Variants in FER observed in about 807,000 individuals in gnomAD.
FER encodes tyrosine-protein kinase Fer.
A neutral mutation model predicts 111.0 loss-of-function variants in FER; 63 were observed. The observed-to-expected ratio is 0.57, with a 90% CI of 0.46 to 0.70. The LOEUF is 0.70. Ranked by LOEUF, FER falls within the 30% of genes least tolerant of loss-of-function variation. The probability of loss-of-function intolerance (pLI) is 0.00; values close to 1 mark genes in which losing one functional copy is unlikely to be tolerated. For synonymous variants in FER, 327 were observed against 313.9 expected (o/e 1.04, Z -0.44); for missense variants, 914 against 954.0 (o/e 0.96, Z 0.55).
chr5:109,148,335 G>T (rs943465171), intron 17 of FER, among the ~76,000 whole-genome samples: 1 of 152,038 alleles, frequency 6.6e-6, no homozygotes, highest in African/African-American at 2.4e-5. Flanking sequence ...TGGTTTTCAG[G>T]TTCTCATAGA....
At chr5:108,802,424 A>G (rs1035619861) in intron 3 of FER, among the ~76,000 whole-genome samples, 2 of 152,158 alleles carry the variant, frequency 1.3e-5, no homozygotes, top group Non-Finnish European at 2.9e-5. Context: ...ATATTGTGTG[A>G]TGCTGAGGTT....
chr5:109,029,803 A>C (rs1197590952), intron 13 of FER, among the ~76,000 whole-genome samples: 1 of 151,912 alleles, frequency 6.6e-6, no homozygotes, highest in Non-Finnish European at 1.5e-5. Context: ...TCTTGGCTTG[A>C]ATTTATTTGT....
At chr5:108,839,600 C>T (rs1319716052) in intron 5 of FER, among the ~76,000 whole-genome samples, 1 of 112,074 alleles carries the variant, frequency 8.9e-6, no homozygotes, top group African/African-American at 3.6e-5. Context: ...TTTTTTGAGA[C>T]GGAGCCTCGC....
At chr5:108,936,398 C>T (rs938520231) in intron 10 of FER, among the ~76,000 whole-genome samples, 1 of 151,948 alleles carries the variant, frequency 6.6e-6, no homozygotes, top group South Asian at 2.1e-4. Context: ...CAGATGTCTT[C>T]ATGGTTATAA....
At chr5:108,946,312 G>T in intron 11 of FER, 90 bp downstream of exon 11, 2 of 826,954 alleles carry the variant, frequency 2.4e-6, no homozygotes, top group Non-Finnish European at 2.0e-6. Context: ...ATGTGTGTGT[G>T]TGTGTATATA....
At chr5:109,109,608 A>G (rs1749354919) in intron 17 of FER, among the ~76,000 whole-genome samples, 1 of 152,148 alleles carries the variant, frequency 6.6e-6, no homozygotes, top group South Asian at 2.1e-4. Context: ...TTAAGTAGCA[A>G]AGGAGTATCT....
intron 5 of FER, among the ~76,000 whole-genome samples, chr5:108,838,775 A>T (rs530201403): frequency 3.8e-4 from 58 of 152,276 alleles, no homozygotes; most frequent in African/African-American, 1.4e-3. Flanking sequence ...AATACACCTT[A>T]AACATTCTAA....
intron 17 of FER, among the ~76,000 whole-genome samples, chr5:109,137,986 A>G (rs1410462883): frequency 6.6e-6 from 1 of 152,148 alleles, no homozygotes; most frequent in Admixed American, 6.5e-5. Context: ...CTAGTCTTTA[A>G]CTAATGCACT....
chr5:108,965,578 G>C lies in FER; in HGVS notation c.1656+6231G>C, dbSNP rs373406000. ...ATTATTAATATTATCCCCATTATTA[G>C]GTAAGGAAACTCAGACATTATAATT... On this transcript the variant is annotated intron_variant, in intron 13 of 19. Coordinates refer to ENST00000281092, the MANE Select transcript of FER (RefSeq NM_005246.4). Among the ~76,000 whole-genome samples the C allele has an allele frequency of 3.2e-4, 49 of 152,014 alleles. No individual in the cohort carries two copies. In the East Asian group the frequency reaches 4.4e-3, roughly 14 times the overall value.
chr5:108,957,939 A>G (rs1758647641), intron 12 of FER, among the ~76,000 whole-genome samples: 2 of 151,620 alleles, frequency 1.3e-5, no homozygotes, highest in African/African-American at 4.8e-5. Flanking sequence ...TAGTACCTTC[A>G]GTGTGAAATA....
In FER at chr5:108,857,631, C is replaced by T. The variant is rs1429427018; in HGVS notation, c.482-10136C>T. Among the ~76,000 whole-genome samples the T allele has an allele frequency of 2.6e-5, 4 of 152,188 alleles. No homozygotes were observed. The East Asian group carries it at 7.7e-4, about 29-fold the overall frequency. ...CTGCCTAAATCATTTATTATTATGG[C>T]AATTGTGAAATGGTAATTTTCTAAT... is the stretch of plus-strand genomic sequence containing the variant. On this transcript the variant is annotated intron_variant, in intron 5 of 19. Coordinates refer to ENST00000281092, the MANE Select transcript of FER (RefSeq NM_005246.4).
At chr5:109,060,998 A>G (rs534623872) in intron 16 of FER, among the ~76,000 whole-genome samples, 26 of 152,110 alleles carry the variant, frequency 1.7e-4, no homozygotes, top group Admixed American at 3.3e-4. Flanking sequence ...TTCTAACTCT[A>G]TTCTAACCTG....
chr5:108,855,356 G>C (rs1210293616), intron 5 of FER, among the ~76,000 whole-genome samples: 1 of 152,070 alleles, frequency 6.6e-6, no homozygotes, highest in Non-Finnish European at 1.5e-5. Context: ...AGACCGGCCG[G>C]GCGCGGTGGC....
rs1413903218 is a variant in FER, at chr5:109,164,249, C to T, written c.2049-16498C>T. ...ATCAGTGCCTTTTTAATAATTAGAC[C>T]CCACGCTGGCATAGTGTGTTACTCC... On this transcript the variant is annotated intron_variant, in intron 17 of 19. Coordinates refer to ENST00000281092, the MANE Select transcript of FER (RefSeq NM_005246.4). Among the ~76,000 whole-genome samples, 13 of 152,092 alleles carry T rather than the reference C, an allele frequency of 8.5e-5. No homozygotes were observed. The East Asian group carries it at 2.5e-3, about 29-fold the overall frequency.
intron 9 of FER, among the ~76,000 whole-genome samples, chr5:108,887,174 A>G (rs2150298436): frequency 6.6e-6 from 1 of 151,838 alleles, no homozygotes; most frequent in Admixed American, 6.6e-5. Flanking sequence ...AGTCTATGTT[A>G]GATATTTGCA....
chr5:109,092,284 C>CAA (rs70999914), intron 16 of FER, among the ~76,000 whole-genome samples: 1,258 of 40,368 alleles, frequency 0.031, 158 homozygotes, highest in Non-Finnish European at 0.038. Context: ...CTTATGATGG[C>CAA]AAAAAAAAAA....
intron 17 of FER, among the ~76,000 whole-genome samples, chr5:109,115,861 C>G (rs968706821): frequency 2.0e-5 from 3 of 151,974 alleles, no homozygotes; most frequent in Non-Finnish European, 4.4e-5. Flanking sequence ...CTTCTTACCC[C>G]TCTCCTCCTT....
chr5:108,862,582 T>C (rs911669381), intron 5 of FER, among the ~76,000 whole-genome samples: 3 of 152,128 alleles, frequency 2.0e-5, no homozygotes, highest in Non-Finnish European at 4.4e-5. Flanking sequence ...AGGCAAAATA[T>C]GGAATTCAGT....
rs1488190729 is a variant in FER at position 109,190,274 on chromosome 5, G to C, written c.*2699G>C. ...TGTACAAAATCCTGTGATTTGTTTA[G>C]TAAGAAAAGAGTTGTAACCAAAATT... On this transcript the variant is annotated 3_prime_UTR_variant, in exon 20 of 20. Coordinates refer to ENST00000281092, the MANE Select transcript of FER (RefSeq NM_005246.4). 1.3e-5 allele frequency: 2 copies of C among 152,090 alleles called. No individual in the cohort carries two copies. Among genetic ancestry groups the C allele is most frequent in the South Asian group, 4.2e-4 (2 of 4,818 alleles). 9.4% of individuals were successfully genotyped at this position (152,090 alleles called of 1,614,324 possible). A position where few individuals can be genotyped will look rare whatever the true frequency, so the allele number is the denominator to read the frequency against.
Sources: allele counts gnomAD v4.1 joint callset (sites outside exome capture counted in the v4.1 genomes callset), GRCh38; gene constraint gnomAD v4.1.1; transcripts MANE v1.5; gene names NCBI Gene and HGNC (gene_info 2026-07-23, HGNC 2026-07-21).